C4orf51: variants seen among roughly 807,000 people sequenced by gnomAD.
C4orf51 encodes the protein chromosome 4 open reading frame 51.
A neutral mutation model predicts 25.2 loss-of-function variants in C4orf51; 25 were observed. That is an observed-to-expected ratio of 0.99 (90% CI 0.72 to 1.39). The LOEUF (loss-of-function observed/expected upper bound fraction) is 1.39. C4orf51 is among the 40% of genes most tolerant of loss of function. The pLI, the probability that C4orf51 is intolerant of heterozygous loss-of-function variation, is 0.00. For missense variants in C4orf51, 252 were observed against 239.6 expected (o/e 1.05, Z -0.34); for synonymous variants, 100 against 84.5 (o/e 1.18, Z -1.01).
At position 145,765,235 on chromosome 4, in the gene C4orf51, G is replaced by A; in HGVS notation, n.167-5753G>A. 1.4e-6 allele frequency: 2 copies of A among 1,472,700 alleles called. No individual in the cohort carries two copies. Among genetic ancestry groups the A allele is most frequent in the South Asian group, 1.4e-5 (1 of 73,078 alleles). 91.2% of individuals were successfully genotyped at this position (1,472,700 alleles called of 1,614,324 possible). A position where few individuals can be genotyped will look rare whatever the true frequency, so the allele number is the denominator to read the frequency against. On this transcript the variant is annotated intron_variant and non_coding_transcript_variant, in intron 1 of 1. Transcript: ENST00000510096. This position sits in a 1 kb window ranked among gnomAD's most constrained non-coding sequence, Gnocchi z 4.7. Reference sequence around the variant, plus strand: ...GAGAGGAGGGCAGGAGTGGAGCCAAGCTCCTCCCCACTTCCTCCCGCCTCC... The same window carrying A: ...GAGAGGAGGGCAGGAGTGGAGCCAAACTCCTCCCCACTTCCTCCCGCCTCC...
intron 3 of C4orf51, among the ~76,000 whole-genome samples, chr4:145,727,895 G>GTATATATATATATATATA (rs35521926): frequency 9.8e-6 from 1 of 101,638 alleles, no homozygotes; most frequent in African/African-American, 3.9e-5. Context: ...AAAAAAATGT[G>GTATATATATATATATATA]TATATATATA....
At chr4:145,753,298 T>A (rs1051415264) in intron 1 of C4orf51, among the ~76,000 whole-genome samples, 2 of 152,026 alleles carry the variant, frequency 1.3e-5, no homozygotes, top group African/African-American at 4.8e-5. Context: ...CCTAGAATAA[T>A]AAAATTGATG....
rs1355445564 is a variant in C4orf51, at chr4:145,766,847, C to T, written n.167-4141C>T. On this transcript the variant is annotated intron_variant and non_coding_transcript_variant, in intron 1 of 1. Transcript: ENST00000510096. Reference sequence around the variant, plus strand: ...CATTAGGTAGAAAACTAAGAAAGGTCTCTTAGTAGTGGGTTAAACCTAGAT... The same window carrying T: ...CATTAGGTAGAAAACTAAGAAAGGTTTCTTAGTAGTGGGTTAAACCTAGAT... Among the ~76,000 whole-genome samples, 5 of 152,210 alleles carry T rather than the reference C, an allele frequency of 3.3e-5. No homozygotes were observed. In the South Asian group the frequency reaches 8.3e-4, roughly 25 times the overall value.
chr4:145,727,530 C>T (rs1056578118), intron 3 of C4orf51, among the ~76,000 whole-genome samples: 2 of 151,936 alleles, frequency 1.3e-5, no homozygotes, highest in South Asian at 2.1e-4. Context: ...TTATTTGTTA[C>T]GATTTTTAAT....
chr4:145,688,756 G>C (rs1409685619), intron 1 of C4orf51, among the ~76,000 whole-genome samples: 1 of 152,204 alleles, frequency 6.6e-6, no homozygotes, highest in Non-Finnish European at 1.5e-5. Flanking sequence ...AAAAATGTCA[G>C]TTCTTCCCAA....
intron 2 of C4orf51, among the ~76,000 whole-genome samples, chr4:145,703,909 A>C (rs1730627554): frequency 6.6e-6 from 1 of 152,244 alleles, no homozygotes; most frequent in Non-Finnish European, 1.5e-5. Flanking sequence ...AAAATCACTG[A>C]TGTGAGGCAG....
chr4:145,705,850 T>C (rs891240870), intron 2 of C4orf51, among the ~76,000 whole-genome samples: 18 of 152,174 alleles, frequency 1.2e-4, no homozygotes, highest in African/African-American at 4.3e-4. Flanking sequence ...AAGGGGGTGA[T>C]GATAGCTCCA....
chr4:145,708,479 C>T (rs1560837184), intron 2 of C4orf51, among the ~76,000 whole-genome samples: 1 of 152,130 alleles, frequency 6.6e-6, no homozygotes, highest in Non-Finnish European at 1.5e-5. Context: ...ACGAGGTGTC[C>T]CCTCTTACTT....
In C4orf51 at chr4:145,696,539, C is replaced by T; in HGVS notation, c.234-20C>T. 10 of 1,597,134 alleles carry T rather than the reference C, an allele frequency of 6.3e-6. No homozygotes were observed. Among genetic ancestry groups the T allele is most frequent in the Non-Finnish European group, 8.6e-6 (10 of 1,165,124 alleles). On this transcript the variant is annotated intron_variant, in intron 1 of 5. Coordinates refer to ENST00000438731, the MANE Select transcript of C4orf51 (RefSeq NM_001080531.3). Reference sequence around the variant, plus strand: ...AAATCCATAAATTTGTAACTTGTTTCTTCTACTTGCTTTCCTTAGGATGTC... The same window carrying T: ...AAATCCATAAATTTGTAACTTGTTTTTTCTACTTGCTTTCCTTAGGATGTC...
chr4:145,680,435 C>CAGTA lies in C4orf51; in HGVS notation c.233+2_233+5dup. 3 of 1,610,934 alleles carry CAGTA rather than the reference C, an allele frequency of 1.9e-6. 1 individual carries two copies. The South Asian group carries it at 3.3e-5, about 18-fold the overall frequency. ...AGGACAGCATGAGCCTGAGTGTAAA[C>CAGTA]AGTAAGATTTCTTTGTAATTTGCAC... On this transcript the variant is annotated stop_gained and frameshift_variant and splice_region_variant, in exon 1 of 6. Transcript: ENST00000438731. LOFTEE classifies it high-confidence loss of function.
At position 145,731,564 on chromosome 4, in the gene C4orf51, CTTTTTTTTTTTTTTTTTTT is replaced by C. The variant is rs398051305; in HGVS notation, c.502-874_502-856del. On this transcript the variant is annotated intron_variant, in intron 5 of 5. Coordinates refer to ENST00000438731, the MANE Select transcript of C4orf51 (RefSeq NM_001080531.3). ...TTTTTATTTATGAGACAAGGCAAAT[CTTTTTTTTTTTTTTTTTTT>C]TTTTTTTTTTTTTTGAGACAGGAGT... is the stretch of plus-strand genomic sequence containing the variant. Among the ~76,000 whole-genome samples, 14 of 43,860 alleles carry C rather than the reference CTTTTTTTTTTTTTTTTTTT, an allele frequency of 3.2e-4. 1 individual carries two copies. Among genetic ancestry groups the C allele is most frequent in the Admixed American group, 1.9e-3 (5 of 2,566 alleles). The allele number at this position is 43,860 out of a possible 152,430, so 28.8% of individuals were successfully genotyped here. A position where few individuals can be genotyped will look rare whatever the true frequency, so the allele number is the denominator to read the frequency against.
chr4:145,725,895 T>C lies in C4orf51; in HGVS notation c.308-1016T>C, dbSNP rs76474195. On this transcript the variant is annotated intron_variant, in intron 2 of 5. Coordinates refer to ENST00000438731, the MANE Select transcript of C4orf51 (RefSeq NM_001080531.3). ...GATAAGTTTACTTAATTCACTGAAC[T>C]GTGTACTTAAATTTTGTCAATTTCA... 8.8e-3 allele frequency among the ~76,000 whole-genome samples: 1,335 copies of C among 152,300 alleles called. 14 individuals are homozygous for C. The highest frequency in any genetic ancestry group is 0.03 in the African/African-American group (1,226 of 41,558).
chr4:145,687,795 G>A (rs1329391355), intron 1 of C4orf51, among the ~76,000 whole-genome samples: 1 of 152,194 alleles, frequency 6.6e-6, no homozygotes, highest in African/African-American at 2.4e-5. Flanking sequence ...CAAATAGGGA[G>A]CACTTGTTTG....
At chr4:145,689,544 G>A (rs182590476) in intron 1 of C4orf51, among the ~76,000 whole-genome samples, 8 of 152,036 alleles carry the variant, frequency 5.3e-5, no homozygotes, top group East Asian at 1.9e-4. Context: ...CCAAATAACC[G>A]ATAAACATAC....
In C4orf51 at chr4:145,680,389, C is replaced by T. The variant is rs1728756353; in HGVS notation, c.186C>T (p.Cys62=). ...AAAAACAACTGGACAAGTCCATGTGCAGCCAATTTTCTTTTAGAGCAGGAC... is the reference window on the plus strand; with the variant it reads ...AAAAACAACTGGACAAGTCCATGTGTAGCCAATTTTCTTTTAGAGCAGGAC... ...YRKKQLDKSM[C]SQFSFRAGQH... The change falls in exon 1 of 6, where the codon TGC becomes TGT. Residue 62 remains cysteine, a synonymous_variant. Transcript: ENST00000438731. The T allele has an allele frequency of 6.2e-7, 1 of 1,613,932 alleles. No homozygotes were observed. Among genetic ancestry groups the T allele is most frequent in the Non-Finnish European group, 8.5e-7 (1 of 1,179,854 alleles).
intron 2 of C4orf51, among the ~76,000 whole-genome samples, chr4:145,708,541 G>T (rs1408513785): frequency 6.6e-6 from 1 of 152,166 alleles, no homozygotes; most frequent in Non-Finnish European, 1.5e-5. Flanking sequence ...GTTCCAGAAT[G>T]AACTGGTCTT....
chr4:145,763,760 C>G lies in C4orf51; in HGVS notation n.167-7228C>G, dbSNP rs951354474. On this transcript the variant is annotated intron_variant and non_coding_transcript_variant, in intron 1 of 1. Transcript: ENST00000510096. The surrounding 1 kb of genome is among the most constrained non-coding windows in gnomAD (Gnocchi z 4.6). ...TTTATAAAGGGACAGTGGGAACAAA[C>G]CAAATCAAATCCCCAAATAAGCTCT... Among the ~76,000 whole-genome samples the G allele has an allele frequency of 6.6e-6, 1 of 152,164 alleles. No individual in the cohort carries two copies. Among genetic ancestry groups the G allele is most frequent in the Non-Finnish European group, 1.5e-5 (1 of 68,026 alleles).
Position 145,761,238 on chromosome 4 carries a change from G to A in C4orf51, n.167-9750G>A, listed in dbSNP as rs990646378. 6 of 1,289,766 alleles carry A rather than the reference G, an allele frequency of 4.7e-6. No homozygotes were observed. In the African/African-American group the frequency reaches 7.6e-5, roughly 16 times the overall value. The allele number at this position is 1,289,766 out of a possible 1,614,324, so 79.9% of individuals were successfully genotyped here. A position where few individuals can be genotyped will look rare whatever the true frequency, so the allele number is the denominator to read the frequency against. On this transcript the variant is annotated intron_variant and non_coding_transcript_variant, in intron 1 of 1. Transcript: ENST00000510096. The surrounding 1 kb of genome is among the most constrained non-coding windows in gnomAD (Gnocchi z 6.8). ...GGCGGCTGAAGACGAAAGGGTGTGT[G>A]GTCTTGAACAGGCACTCTTCGCAGC...
In C4orf51 at chr4:145,769,295, G is replaced by A. The variant is rs185740184; in HGVS notation, n.167-1693G>A. ...CTATGTGACAACTAGTACCATTATTGCCATTTGCTTATCAGTATATATTTA... is the reference window on the plus strand; with the variant it reads ...CTATGTGACAACTAGTACCATTATTACCATTTGCTTATCAGTATATATTTA... On this transcript the variant is annotated intron_variant and non_coding_transcript_variant, in intron 1 of 1. Transcript: ENST00000510096. Among the ~76,000 whole-genome samples, 383 of 152,102 alleles carry A rather than the reference G, an allele frequency of 2.5e-3. 1 individual carries two copies. The highest frequency in any genetic ancestry group is 8.7e-3 in the African/African-American group (363 of 41,502).
Sources: gnomAD v4.1 joint callset for allele counts (sites outside exome capture counted in the v4.1 genomes callset) on GRCh38, gnomAD v4.1.1 for gene constraint, Gnocchi (gnomAD v3.1) non-coding constraint, MANE v1.5 for transcripts, NCBI Gene and HGNC (gene_info 2026-07-23, HGNC 2026-07-21) for gene names.